The following UBE2U variants were observed in gnomAD, a reference collection of about 807,000 sequenced individuals.
UBE2U encodes ubiquitin conjugating enzyme E2 U, also known as ubiquitin-conjugating enzyme E2 U.
UBE2U carries 39 observed loss-of-function variants against 41.2 expected under a neutral mutation model. That is an observed-to-expected ratio of 0.95 (90% CI 0.73 to 1.24). The LOEUF is 1.24. Ranked by LOEUF, UBE2U falls within the 50% of genes most tolerant of loss-of-function variation. UBE2U has a pLI of 0.00. For missense variants in UBE2U, 336 were observed against 363.1 expected (o/e 0.93, Z 0.61); for synonymous variants, 107 against 117.8 (o/e 0.91, Z 0.60).
chr1:64,247,728 A>T (rs1644944256), intron 8 of UBE2U, among the ~76,000 whole-genome samples: 1 of 152,064 alleles, frequency 6.6e-6, no homozygotes, highest in Admixed American at 6.6e-5. Context: ...GCCAGGCATA[A>T]TGGCACATGC....
intron 7 of UBE2U, among the ~76,000 whole-genome samples, chr1:64,239,158 AAGAAGAAGAAGAAG>A (rs1557731050): frequency 0.015 from 190 of 12,460 alleles, 4 homozygotes; most frequent in African/African-American, 0.03. Flanking sequence ...AAGAAGAAGA[AAGAAGAAGAAGAAG>A]AAGAAGAAGA....
chr1:64,249,392 A>G (rs911987162), intron 8 of UBE2U, among the ~76,000 whole-genome samples: 2 of 151,206 alleles, frequency 1.3e-5, no homozygotes, highest in African/African-American at 4.9e-5. Flanking sequence ...AAAAAAAAAA[A>G]AAAAAATCAC....
intron 3 of UBE2U, among the ~76,000 whole-genome samples, chr1:64,207,177 G>GTC (rs574317916): frequency 2.0e-5 from 3 of 152,074 alleles, no homozygotes. Flanking sequence ...TTGAGACAGA[G>GTC]TCTCTCTCTG....
chr1:64,206,784 A>G lies in UBE2U; in HGVS notation c.169A>G (p.Ile57Val). 1 of 1,599,420 alleles carries G rather than the reference A, an allele frequency of 6.3e-7. No individual in the cohort carries two copies. Among genetic ancestry groups the G allele is most frequent in the Non-Finnish European group, 8.5e-7 (1 of 1,170,226 alleles). Reference sequence around the variant, plus strand: ...TATAGGTTTAGTCTTCCAACTGACAATACATTTTACATCGGAGTACAACTA... The same window carrying G: ...TATAGGTTTAGTCTTCCAACTGACAGTACATTTTACATCGGAGTACAACTA... ...VWQGLVFQLT[I>V]HFTSEYNYAP... is the part of the protein sequence containing the mutation. Residue 57 changes from isoleucine (I) to valine (V), a missense_variant, in exon 3 of 10, where the codon ATA becomes GTA. Coordinates refer to ENST00000371077, the MANE Select transcript of UBE2U (RefSeq NM_001366232.2).
Position 64,267,119 on chromosome 1 carries a change from G to A in UBE2U, c.865G>A (p.Glu289Lys), listed in dbSNP as rs1257588885. 1 of 1,550,270 alleles carries A rather than the reference G, an allele frequency of 6.5e-7. No individual in the cohort carries two copies. Among genetic ancestry groups the A allele is most frequent in the Non-Finnish European group, 8.7e-7 (1 of 1,146,930 alleles). The part of the protein sequence containing the change: ...EGWKSDTSLY[E>K]NDTDEPREEE... ...GTGGAAGAGTGACACTTCATTATAT[G>A]AAAATGACACAGATGAGCCCAGGGA... The change falls in exon 10 of 10, where the codon GAA (glutamate) becomes AAA (lysine). Residue 289 changes from glutamate to lysine, a missense_variant. Glu to Lys is a moderately conservative substitution (Grantham distance 56). Transcript: ENST00000371077.
chr1:64,220,149 A>T (rs933520978), intron 5 of UBE2U, among the ~76,000 whole-genome samples: 1 of 152,090 alleles, frequency 6.6e-6, no homozygotes, highest in Non-Finnish European at 1.5e-5. Context: ...GGGCTTGTTG[A>T]CAGTTTTATT....
chr1:64,234,110 G>A (rs1644622503), intron 7 of UBE2U, among the ~76,000 whole-genome samples: 1 of 152,146 alleles, frequency 6.6e-6, no homozygotes, highest in African/African-American at 2.4e-5. Context: ...TCCTAAAGCT[G>A]CATCTCTAGC....
chr1:64,266,572 CT>C (rs944640912), intron 9 of UBE2U, among the ~76,000 whole-genome samples: 3 of 152,216 alleles, frequency 2.0e-5, no homozygotes, highest in East Asian at 1.9e-4. Context: ...CTGATCACCC[CT>C]AACCCTGTCA....
rs774656400 is a variant in UBE2U, at chr1:64,204,120, A to G, written c.66+4A>G. 1 of 1,611,828 alleles carries G rather than the reference A, an allele frequency of 6.2e-7. No homozygotes were observed. Among genetic ancestry groups the G allele is most frequent in the Non-Finnish European group, 8.5e-7 (1 of 1,178,554 alleles). ...TCTCAAGGAGAACAATTATAAGGTA[A>G]GTACTGGGCACGTGGAGAGATGTGT... On this transcript the variant is annotated splice_donor_region_variant and intron_variant, in intron 1 of 9. Transcript: ENST00000371077.
intron 8 of UBE2U, among the ~76,000 whole-genome samples, chr1:64,249,635 AAT>A (rs2100499307): frequency 6.6e-6 from 1 of 151,932 alleles, no homozygotes; most frequent in East Asian, 1.9e-4. Flanking sequence ...AATATTTAAA[AAT>A]ATATATACTT....
chr1:64,249,394 A>AG lies in UBE2U; in HGVS notation c.677+7661_677+7662insG, dbSNP rs1382968453. Among the ~76,000 whole-genome samples, 10 of 150,884 alleles carry AG rather than the reference A, an allele frequency of 6.6e-5. No homozygotes were observed. The East Asian group carries it at 1.9e-3, about 29-fold the overall frequency. ...CTCTGTCTCAAAAAAAAAAAAAAAA[A>AG]AAAATCACCAGTCATACAAATAAGC... On this transcript the variant is annotated intron_variant, in intron 8 of 9. Coordinates refer to ENST00000371077, the MANE Select transcript of UBE2U (RefSeq NM_001366232.2).
chr1:64,227,619 T>G (rs937439817), intron 6 of UBE2U, among the ~76,000 whole-genome samples: 1 of 152,072 alleles, frequency 6.6e-6, no homozygotes, highest in Admixed American at 6.6e-5. Context: ...CTAACCAACA[T>G]GCAGAAACCC....
chr1:64,252,842 A>C (rs1329178148), intron 8 of UBE2U, among the ~76,000 whole-genome samples: 2 of 152,244 alleles, frequency 1.3e-5, no homozygotes, highest in Non-Finnish European at 2.9e-5. Flanking sequence ...TCAAAAAGCC[A>C]GCATGTCTAT....
At chr1:64,262,560 G>A (rs965488657) in intron 9 of UBE2U, among the ~76,000 whole-genome samples, 1 of 152,094 alleles carries the variant, frequency 6.6e-6, no homozygotes, top group African/African-American at 2.4e-5. Context: ...ATATGTGGGA[G>A]GCCTCCCTCA....
intron 8 of UBE2U, among the ~76,000 whole-genome samples, chr1:64,255,043 A>G (rs935427495): frequency 1.3e-5 from 2 of 152,174 alleles, no homozygotes; most frequent in Non-Finnish European, 1.5e-5. Context: ...AAAGAAGAAA[A>G]GAGAGTAGAA....
intron 5 of UBE2U, among the ~76,000 whole-genome samples, chr1:64,217,917 T>G (rs1652136240): frequency 6.6e-6 from 1 of 152,208 alleles, no homozygotes; most frequent in South Asian, 2.1e-4. Flanking sequence ...CATTTGATTC[T>G]TCTCCAATTC....
chr1:64,204,660 G>A (rs1020787749), intron 1 of UBE2U, among the ~76,000 whole-genome samples: 1 of 152,110 alleles, frequency 6.6e-6, no homozygotes, highest in African/African-American at 2.4e-5. Context: ...GGGCTTAAAC[G>A]CCACCAATGA....
chr1:64,256,496 C>T (rs1163263686), intron 8 of UBE2U, among the ~76,000 whole-genome samples: 1 of 151,632 alleles, frequency 6.6e-6, no homozygotes, highest in Non-Finnish European at 1.5e-5. Context: ...TTCAACAAAC[C>T]TGACAAAAAC....
chr1:64,223,178 T>C (rs1652612550), intron 6 of UBE2U, among the ~76,000 whole-genome samples: 1 of 152,214 alleles, frequency 6.6e-6, no homozygotes, highest in Admixed American at 6.5e-5. Flanking sequence ...CACACCTGAT[T>C]AATATGTCAT....
Sources: gnomAD v4.1 joint callset for allele counts (sites outside exome capture counted in the v4.1 genomes callset) on GRCh38, gnomAD v4.1.1 for gene constraint, MANE v1.5 for transcripts, NCBI Gene and HGNC (gene_info 2026-07-23, HGNC 2026-07-21) for gene names.